CDH18: variants seen among roughly 807,000 people sequenced by gnomAD.
CDH18 encodes the protein cadherin 18.
In CDH18, 31 loss-of-function variants were observed where a neutral mutation model predicts 67.9. The observed-to-expected ratio is 0.46, with a 90% CI of 0.34 to 0.62. The LOEUF (loss-of-function observed/expected upper bound fraction) is 0.62. Ranked by LOEUF, CDH18 falls within the 20% of genes least tolerant of loss-of-function variation. The pLI, the probability that CDH18 is intolerant of heterozygous loss-of-function variation, is 0.01. For missense variants in CDH18, 890 were observed against 975.5 expected (o/e 0.91, Z 1.17); for synonymous variants, 362 against 347.2 (o/e 1.04, Z -0.48).
At chr5:19,966,700 T>A (rs1797472200) in intron 2 of CDH18, among the ~76,000 whole-genome samples, 1 of 152,048 alleles carries the variant, frequency 6.6e-6, no homozygotes, top group South Asian at 2.1e-4. Flanking sequence ...TTCTTTCCAA[T>A]AGTAAACTAC....
intron 1 of CDH18, among the ~76,000 whole-genome samples, chr5:20,573,757 T>C (rs1188370199): frequency 6.8e-6 from 1 of 146,658 alleles, no homozygotes; most frequent in African/African-American, 2.5e-5. Flanking sequence ...CAGTCACCAT[T>C]CTCAGTTAAC....
chr5:20,273,247 C>T (rs1745568321), intron 1 of CDH18, among the ~76,000 whole-genome samples: 1 of 151,980 alleles, frequency 6.6e-6, no homozygotes, highest in Non-Finnish European at 1.5e-5. Flanking sequence ...AATATGGTGC[C>T]TATAAATATT....
chr5:19,965,760 G>GGTAGAAAGAGAGAGGCA (rs1797368295), intron 2 of CDH18, among the ~76,000 whole-genome samples: 5 of 148,726 alleles, frequency 3.4e-5, no homozygotes, highest in East Asian at 1.9e-4. Flanking sequence ...AGAGAGAGGC[G>GGTAGAAAGAGAGAGGCA]GGTAGAAAGA....
chr5:19,750,093 A>T (rs1226902042), intron 3 of CDH18, among the ~76,000 whole-genome samples: 1 of 152,084 alleles, frequency 6.6e-6, no homozygotes, highest in Non-Finnish European at 1.5e-5. Flanking sequence ...TTTCTTGGCC[A>T]GCTTGGTTAA....
At position 20,426,687 on chromosome 5, in the gene CDH18, T is replaced by C. The variant is rs955899867; in HGVS notation, c.-580+148775A>G. On this transcript the variant is annotated intron_variant, in intron 1 of 14. Transcript: ENST00000507958. Reference sequence around the variant, plus strand: ...GAAATCTACCAACTGCTGTACATGATTGCTTCAACTCCCAGTAGGATCTCT... The same window carrying C: ...GAAATCTACCAACTGCTGTACATGACTGCTTCAACTCCCAGTAGGATCTCT... Among the ~76,000 whole-genome samples, 32 of 151,220 alleles carry C rather than the reference T, an allele frequency of 2.1e-4. 4 individuals carry two copies. Among genetic ancestry groups the C allele is most frequent in the African/African-American group, 6.4e-4 (26 of 40,562 alleles).
intron 2 of CDH18, among the ~76,000 whole-genome samples, chr5:20,254,004 T>A (rs1311078672): frequency 6.6e-6 from 1 of 152,088 alleles, no homozygotes; most frequent in African/African-American, 2.4e-5. Flanking sequence ...GAGAGAAGGG[T>A]CAAATCATGT....
chr5:20,046,762 A>T (rs1208932861), intron 2 of CDH18, among the ~76,000 whole-genome samples: 1 of 151,536 alleles, frequency 6.6e-6, no homozygotes, highest in Admixed American at 6.6e-5. Flanking sequence ...GTAATAATGA[A>T]GGACTGAATG....
chr5:20,425,058 T>C (rs758642453), intron 1 of CDH18, among the ~76,000 whole-genome samples: 5 of 150,644 alleles, frequency 3.3e-5, no homozygotes, highest in Non-Finnish European at 5.9e-5. Flanking sequence ...AAAGACTTAG[T>C]CTTAGAGTTA....
chr5:20,556,553 C>T (rs748743971), intron 1 of CDH18, among the ~76,000 whole-genome samples: 3 of 152,118 alleles, frequency 2.0e-5, no homozygotes, highest in South Asian at 2.1e-4. Context: ...CTCACTCCTG[C>T]GTGCTCCAGC....
At position 20,439,781 on chromosome 5, in the gene CDH18, C is replaced by A. The variant is rs1226426588; in HGVS notation, c.-580+135681G>T. 3.3e-5 allele frequency among the ~76,000 whole-genome samples: 5 copies of A among 151,560 alleles called. 1 individual carries two copies. The highest frequency in any genetic ancestry group is 3.3e-4 in the Admixed American group (5 of 15,232). The stretch of plus-strand genomic sequence containing the variant: ...ATCCTCATTCCTTGTCTATTTTACT[C>A]CGTGTGGAATGTGTTGAAGACTTGT... On this transcript the variant is annotated intron_variant, in intron 1 of 14. Transcript: ENST00000507958.
intron 5 of CDH18, among the ~76,000 whole-genome samples, chr5:19,699,210 T>G (rs947519388): frequency 5.3e-5 from 8 of 152,148 alleles, no homozygotes; most frequent in Non-Finnish European, 1.2e-4. Flanking sequence ...ATTAATCTCT[T>G]ATTACACTCA....
chr5:20,001,827 G>T (rs1462384916), intron 2 of CDH18, among the ~76,000 whole-genome samples: 3 of 152,092 alleles, frequency 2.0e-5, no homozygotes, highest in Non-Finnish European at 4.4e-5. Context: ...TCATTGTTCT[G>T]CTCAGCATTA....
At chr5:19,708,896 T>G (rs895441559) in intron 5 of CDH18, among the ~76,000 whole-genome samples, 7 of 152,078 alleles carry the variant, frequency 4.6e-5, no homozygotes, top group Non-Finnish European at 8.8e-5. Context: ...GTGTCTTTAA[T>G]TCCTCTAGCA....
chr5:20,573,331 A>G (rs1413516174), intron 1 of CDH18, among the ~76,000 whole-genome samples: 1 of 151,982 alleles, frequency 6.6e-6, no homozygotes, highest in Non-Finnish European at 1.5e-5. Context: ...AAAAACACAC[A>G]CAATACTATT....
chr5:20,464,031 A>G (rs1581048420), intron 1 of CDH18, among the ~76,000 whole-genome samples: 1 of 152,300 alleles, frequency 6.6e-6, no homozygotes, highest in Non-Finnish European at 1.5e-5. Flanking sequence ...TGGTTTGGAT[A>G]CATGAAAGCC....
intron 8 of CDH18, among the ~76,000 whole-genome samples, chr5:19,551,128 T>A (rs1580160392): frequency 2.0e-5 from 3 of 152,140 alleles, no homozygotes; most frequent in East Asian, 3.9e-4. Flanking sequence ...TCAAGGATGT[T>A]TGGATTGTAA....
intron 3 of CDH18, among the ~76,000 whole-genome samples, chr5:19,789,404 G>A (rs993794595): frequency 6.6e-6 from 1 of 152,132 alleles, no homozygotes; most frequent in East Asian, 1.9e-4. Context: ...TAGACTAGAA[G>A]TGACTGTTAA....
rs139478065 is a variant in CDH18, at chr5:19,677,201, T to A, written c.643+44146A>T. Among the ~76,000 whole-genome samples, 1,206 of 152,106 alleles carry A rather than the reference T, an allele frequency of 7.9e-3. 5 individuals are homozygous for A. The highest frequency in any genetic ancestry group is 0.014 in the Non-Finnish European group (922 of 67,984). On this transcript the variant is annotated intron_variant, in intron 5 of 12. Transcript: ENST00000382275. ...AAAGGGGACTGCATCAGGCTAACAG[T>A]GTAACTTTCAGCAGAAACCATACAA...
At chr5:20,285,828 A>G (rs947035263) in intron 1 of CDH18, among the ~76,000 whole-genome samples, 1 of 151,730 alleles carries the variant, frequency 6.6e-6, no homozygotes, top group African/African-American at 2.4e-5. Flanking sequence ...ATTGCCATGT[A>G]TCAGATATAA....
Sources: allele counts gnomAD v4.1 joint callset (sites outside exome capture counted in the v4.1 genomes callset), GRCh38; gene constraint gnomAD v4.1.1; transcripts MANE v1.5; gene names NCBI Gene and HGNC (gene_info 2026-07-23, HGNC 2026-07-21).